The following PI4K2B variants were observed in gnomAD, a reference collection of about 807,000 sequenced individuals.
PI4K2B encodes phosphatidylinositol 4-kinase type 2 beta.
Under a neutral mutation model 56.6 loss-of-function variants are expected in PI4K2B, and 46 were observed. The observed-to-expected ratio is 0.81, with a 90% CI of 0.64 to 1.04. The LOEUF is 1.04. Among genes scored for constraint, PI4K2B ranks in the 50% least tolerant of loss-of-function variants. The pLI, the probability that PI4K2B is intolerant of heterozygous loss-of-function variation, is 0.00. For missense variants in PI4K2B, 556 were observed against 607.7 expected, an observed-to-expected ratio of 0.91 and a Z score of 0.89; for synonymous variants, 211 against 223.8, an observed-to-expected ratio of 0.94 and a Z score of 0.51.
intron 1 of PI4K2B, among the ~76,000 whole-genome samples, chr4:25,236,143 T>A (rs2109079972): frequency 6.6e-6 from 1 of 151,992 alleles, no homozygotes; most frequent in East Asian, 1.9e-4. Context: ...TTTAAAAAAA[T>A]ATTTTATTCT....
intron 2 of PI4K2B, 121 bp downstream of exon 2, chr4:25,252,596 C>T (rs1716105019): frequency 2.5e-6 from 2 of 784,610 alleles, no homozygotes; most frequent in East Asian, 5.0e-5. Context: ...ACCTCTTTTC[C>T]AAAACAAAGG....
chr4:25,257,206 C>T (rs1716293832), intron 4 of PI4K2B, among the ~76,000 whole-genome samples: 1 of 151,548 alleles, frequency 6.6e-6, no homozygotes, highest in African/African-American at 2.4e-5. Context: ...CACAGGTGCA[C>T]ACCACCACAC....
At chr4:25,239,871 G>C (rs1312010043) in intron 1 of PI4K2B, among the ~76,000 whole-genome samples, 1 of 152,226 alleles carries the variant, frequency 6.6e-6, no homozygotes, top group Non-Finnish European at 1.5e-5. Flanking sequence ...CTTCCTGCTG[G>C]ATAGGGGCAA....
Position 25,234,167 on chromosome 4 carries a change from G to T in PI4K2B, c.4G>T (p.Glu2Ter). The T allele has an allele frequency of 7.3e-7, 1 of 1,376,744 alleles. No homozygotes were observed. The highest frequency in any genetic ancestry group is 3.0e-5 in the East Asian group (1 of 33,238). The allele number at this position is 1,376,744 out of a possible 1,614,324, so 85.3% of individuals were successfully genotyped here. A position where few individuals can be genotyped will look rare whatever the true frequency, so the allele number is the denominator to read the frequency against. The change falls in exon 1 of 10, where the codon GAG (glutamate) becomes TAG (stop). Residue 2 changes from glutamate (E) to a stop codon, truncating the protein, a stop_gained. Transcript: ENST00000264864. LOFTEE classifies it high-confidence loss of function. M[E>*]DPSEPDRLAS... is the part of the protein sequence containing the mutation. Reference sequence around the variant, plus strand: ...GCGGAGGGAGCAGAGGGAGTCCATGGAGGATCCCTCCGAGCCCGACCGGTT... The same window carrying T: ...GCGGAGGGAGCAGAGGGAGTCCATGTAGGATCCCTCCGAGCCCGACCGGTT...
rs369537010 is a variant in PI4K2B at position 25,255,069 on chromosome 4, T to C, written c.428T>C (p.Ile143Thr). The C allele has an allele frequency of 5.4e-5, 87 of 1,608,848 alleles. No individual in the cohort carries two copies. Among genetic ancestry groups the C allele is most frequent in the Non-Finnish European group, 6.9e-5 (81 of 1,175,492 alleles). ...SYFVKDPKRK[I>T]IGVFKPKSEE... ...ATTTTTACTTTTTTGCTCTAGAAAA[T>C]TATTGGTGTGTTTAAACCCAAATCA... is the stretch of plus-strand genomic sequence containing the variant. The change falls in exon 3 of 10, where the codon ATT (isoleucine) becomes ACT (threonine). Residue 143 changes from isoleucine to threonine, a missense_variant. Ile to Thr is a moderately conservative substitution (Grantham distance 89, BLOSUM62 -1). Transcript: ENST00000264864.
chr4:25,264,965 G>A (rs1716610515), intron 7 of PI4K2B, among the ~76,000 whole-genome samples: 2 of 151,992 alleles, frequency 1.3e-5, no homozygotes, highest in Non-Finnish European at 2.9e-5. Context: ...GGAGGCTGAG[G>A]TGGGTGGATT....
At position 25,269,137 on chromosome 4, in the gene PI4K2B, A is replaced by G. The variant is rs1380541244; in HGVS notation, c.1213-7A>G. On this transcript the variant is annotated splice_polypyrimidine_tract_variant and splice_region_variant and intron_variant, in intron 8 of 9. Coordinates refer to ENST00000264864, the MANE Select transcript of PI4K2B (RefSeq NM_018323.4). ...TTTGGGAATTGTTTTTTTCCTTTCT[A>G]TAATAGACTGACAAAGGATTTGACA... The G allele has an allele frequency of 1.3e-6, 2 of 1,534,984 alleles. No homozygotes were observed. Among genetic ancestry groups the G allele is most frequent in the South Asian group, 1.1e-5 (1 of 88,636 alleles).
Position 25,277,513 on chromosome 4 carries a change from T to C in PI4K2B, c.*326T>C, listed in dbSNP as rs1285366654. On this transcript the variant is annotated 3_prime_UTR_variant, in exon 10 of 10. Transcript: ENST00000264864. ...CCAAGTAGAATACAATAACTTTTAA[T>C]ATTGAGAAGAATGTTCATGCTAATT... 5.8e-6 allele frequency: 1 copy of C among 171,794 alleles called. No homozygotes were observed. Among genetic ancestry groups the C allele is most frequent in the Non-Finnish European group, 1.2e-5 (1 of 80,674 alleles). 10.6% of individuals were successfully genotyped at this position (171,794 alleles called of 1,614,324 possible). A position where few individuals can be genotyped will look rare whatever the true frequency, so the allele number is the denominator to read the frequency against.
chr4:25,263,797 A>G lies in PI4K2B; in HGVS notation c.1026A>G (p.Ala342=), dbSNP rs914540812. 2 of 1,542,550 alleles carry G rather than the reference A, an allele frequency of 1.3e-6. No individual in the cohort carries two copies. Among genetic ancestry groups the G allele is most frequent in the Non-Finnish European group, 1.8e-6 (2 of 1,116,148 alleles). ...AAGAATTCCTTATTAAAATAGCTGC[A>G]ATTGATAATGGTCTAGCATTTCCTT... is the stretch of plus-strand genomic sequence containing the variant. The part of the protein sequence containing the change: ...DDEEFLIKIA[A]IDNGLAFPFK... Residue 342 remains alanine, a synonymous_variant, in exon 7 of 10, where the codon GCA becomes GCG. Coordinates refer to ENST00000264864, the MANE Select transcript of PI4K2B (RefSeq NM_018323.4).
chr4:25,260,315 G>A (rs978107724), intron 5 of PI4K2B, among the ~76,000 whole-genome samples: 7 of 151,036 alleles, frequency 4.6e-5, no homozygotes, highest in Non-Finnish European at 7.4e-5. Context: ...AAACAATGTC[G>A]GCCCAGAGAA....
In PI4K2B at chr4:25,258,589, A is replaced by G. The variant is rs1398678703; in HGVS notation, c.757-448A>G. 1.2e-5 allele frequency: 3 copies of G among 256,516 alleles called. No homozygotes were observed. The East Asian group carries it at 5.4e-4, about 46-fold the overall frequency. The allele number at this position is 256,516 out of a possible 1,614,324, so 15.9% of individuals were successfully genotyped here. On this transcript the variant is annotated intron_variant, in intron 4 of 9. Transcript: ENST00000264864. ...ACAACTAAAAAAAAAAAATGAAAAA[A>G]AATTATTTATTGTATTTTATGTCAT...
intron 1 of PI4K2B, among the ~76,000 whole-genome samples, chr4:25,251,664 A>G (rs1300127580): frequency 6.6e-6 from 1 of 152,158 alleles, no homozygotes; most frequent in Non-Finnish European, 1.5e-5. Flanking sequence ...GTGAGGTTGC[A>G]GTTACTGGTA....
intron 1 of PI4K2B, among the ~76,000 whole-genome samples, chr4:25,238,776 A>G (rs1383867348): frequency 1.3e-5 from 2 of 152,198 alleles, no homozygotes; most frequent in African/African-American, 2.4e-5. Flanking sequence ...AAGAGTGAGC[A>G]GCAGCAAGAT....
Position 25,277,840 on chromosome 4 carries a change from A to T in PI4K2B, c.*653A>T, listed in dbSNP as rs1209820277. The T allele has an allele frequency of 6.6e-6, 1 of 152,106 alleles. No individual in the cohort carries two copies. The highest frequency in any genetic ancestry group is 1.9e-4 in the East Asian group (1 of 5,198). The allele number at this position is 152,106 out of a possible 1,614,324, so 9.4% of individuals were successfully genotyped here. A position where few individuals can be genotyped will look rare whatever the true frequency, so the allele number is the denominator to read the frequency against. On this transcript the variant is annotated 3_prime_UTR_variant, in exon 10 of 10. Coordinates refer to ENST00000264864, the MANE Select transcript of PI4K2B (RefSeq NM_018323.4). ...AAGAAATTTCCCCTTTTTTTAAAAA[A>T]TGGAAATATTCAATTGAGACTTGAG...
intron 1 of PI4K2B, among the ~76,000 whole-genome samples, chr4:25,238,865 G>C (rs1342318229): frequency 1.3e-5 from 2 of 152,158 alleles, no homozygotes; most frequent in Non-Finnish European, 2.9e-5. Flanking sequence ...GGTTCGGGCA[G>C]CCTGCTTTTA....
intron 1 of PI4K2B, among the ~76,000 whole-genome samples, chr4:25,243,930 TG>T (rs1293530952): frequency 6.6e-6 from 1 of 152,228 alleles, no homozygotes; most frequent in Non-Finnish European, 1.5e-5. Context: ...TTTCTTCGGC[TG>T]TCATTCTATC....
intron 9 of PI4K2B, among the ~76,000 whole-genome samples, chr4:25,271,800 G>A (rs111428615): frequency 6.6e-6 from 1 of 152,094 alleles, no homozygotes; most frequent in Non-Finnish European, 1.5e-5. Context: ...AAATAATTTT[G>A]TCAGCTTTAA....
intron 1 of PI4K2B, among the ~76,000 whole-genome samples, chr4:25,251,487 A>G (rs796653758): frequency 2.0e-5 from 3 of 152,238 alleles, no homozygotes; most frequent in African/African-American, 7.2e-5. Context: ...ACCCAGCATA[A>G]TTTAAGCTGG....
At chr4:25,242,916 C>T (rs534236894) in intron 1 of PI4K2B, among the ~76,000 whole-genome samples, 2 of 152,298 alleles carry the variant, frequency 1.3e-5, no homozygotes. Flanking sequence ...CAGCTCCAGC[C>T]TTGGCTAATA....
Sources: allele counts gnomAD v4.1 joint callset (sites outside exome capture counted in the v4.1 genomes callset), GRCh38; gene constraint gnomAD v4.1.1; transcripts MANE v1.5; gene names NCBI Gene and HGNC (gene_info 2026-07-23, HGNC 2026-07-21).